Variants in PRKAA2 observed in about 807,000 individuals in gnomAD.
The protein encoded by PRKAA2 is 5'-AMP-activated protein kinase catalytic subunit alpha-2.
A neutral mutation model predicts 56.3 loss-of-function variants in PRKAA2; 40 were observed. That is an observed-to-expected ratio of 0.71 (90% CI 0.55 to 0.92). The LOEUF (loss-of-function observed/expected upper bound fraction) is 0.92, where lower values mean the gene tolerates loss of function less well. PRKAA2 is among the 40% of genes least tolerant of loss of function. PRKAA2 has a pLI of 0.00. For synonymous variants in PRKAA2, 214 were observed against 234.2 expected, an observed-to-expected ratio of 0.91 and a Z score of 0.79; for missense variants, 542 against 686.9, an observed-to-expected ratio of 0.79 and a Z score of 2.36.
chr1:56,649,965 C>T (rs1279596908), intron 1 of PRKAA2, among the ~76,000 whole-genome samples: 1 of 152,042 alleles, frequency 6.6e-6, no homozygotes, highest in Non-Finnish European at 1.5e-5. Context: ...TGTGATGGTG[C>T]GCGCCTGTAA....
chr1:56,704,057 C>T lies in PRKAA2; in HGVS notation c.875C>T (p.Ala292Val). ...SYDANVIDDE[A>V]VKEVCEKFEC... is the part of the protein sequence containing the mutation. ...GATGCTAACGTCATTGATGATGAGG[C>T]TGTGAAAGAAGTGTGTGAAAAATTT... The change falls in exon 7 of 9, where the codon GCT becomes GTT. Residue 292 changes from alanine (A) to valine (V), a missense_variant. Ala to Val is a moderately conservative substitution (Grantham distance 64). Around this residue, in one of 5 missense-constraint regions of PRKAA2, gnomAD observed 198 missense variants for 234.0 expected, o/e 0.85. Transcript: ENST00000371244. 1.2e-6 allele frequency: 2 copies of T among 1,614,074 alleles called. No homozygotes were observed. The highest frequency in any genetic ancestry group is 1.7e-6 in the Non-Finnish European group (2 of 1,179,976).
chr1:56,660,434 T>C (rs975340257), intron 1 of PRKAA2, among the ~76,000 whole-genome samples: 1 of 152,186 alleles, frequency 6.6e-6, no homozygotes, highest in Non-Finnish European at 1.5e-5. Flanking sequence ...GTATATCTGA[T>C]CCATACAAAG....
intron 1 of PRKAA2, among the ~76,000 whole-genome samples, chr1:56,667,227 C>T (rs1479357011): frequency 6.6e-6 from 1 of 152,148 alleles, no homozygotes; most frequent in Non-Finnish European, 1.5e-5. Context: ...ATGCTCGTTC[C>T]TCATTTCATT....
At position 56,695,920 on chromosome 1, in the gene PRKAA2, C is replaced by T. The variant is rs1644255912; in HGVS notation, c.564-15C>T. On this transcript the variant is annotated splice_polypyrimidine_tract_variant and intron_variant, in intron 5 of 8. Transcript: ENST00000371244. ...TTCTTGCATTTCAGGTTTGTGTTGTCATCTTTTTTCTTAGATTGTATGCAG... is the reference window on the plus strand; with the variant it reads ...TTCTTGCATTTCAGGTTTGTGTTGTTATCTTTTTTCTTAGATTGTATGCAG... 1 of 1,604,724 alleles carries T rather than the reference C, an allele frequency of 6.2e-7. No homozygotes were observed. The highest frequency in any genetic ancestry group is 2.2e-5 in the East Asian group (1 of 44,776).
At position 56,670,092 on chromosome 1, in the gene PRKAA2, T is replaced by A. The variant is rs543082326; in HGVS notation, c.95-4289T>A. Among the ~76,000 whole-genome samples the A allele has an allele frequency of 4.6e-5, 7 of 152,350 alleles. No individual in the cohort carries two copies. The South Asian group carries it at 1.2e-3, about 27-fold the overall frequency. On this transcript the variant is annotated intron_variant, in intron 1 of 8. Coordinates refer to ENST00000371244, the MANE Select transcript of PRKAA2 (RefSeq NM_006252.4). ...CTAATGGGTGATAATTTTGTAGAGCTCTTTAACTTTTTAATCCAAAAAATT... is the reference window on the plus strand; with the variant it reads ...CTAATGGGTGATAATTTTGTAGAGCACTTTAACTTTTTAATCCAAAAAATT...
intron 1 of PRKAA2, among the ~76,000 whole-genome samples, chr1:56,674,150 C>T (rs1328746144): frequency 2.6e-5 from 4 of 152,084 alleles, no homozygotes; most frequent in Non-Finnish European, 4.4e-5. Context: ...CAAATAGGAA[C>T]GTCTCTGTTA....
At chr1:56,683,304 C>A (rs1644168717) in intron 2 of PRKAA2, among the ~76,000 whole-genome samples, 1 of 151,956 alleles carries the variant, frequency 6.6e-6, no homozygotes, top group Non-Finnish European at 1.5e-5. Context: ...CTGCAACTAG[C>A]ACAGTAGTAG....
chr1:56,699,664 G>A (rs973453820), intron 6 of PRKAA2, among the ~76,000 whole-genome samples: 2 of 152,076 alleles, frequency 1.3e-5, no homozygotes, highest in African/African-American at 4.8e-5. Context: ...GGCTTTTAGT[G>A]TATTCACAAA....
chr1:56,713,728 T>A lies in PRKAA2; in HGVS notation c.*6015T>A, dbSNP rs1465727752. 1 of 151,920 alleles carries A rather than the reference T, an allele frequency of 6.6e-6. No homozygotes were observed. Among genetic ancestry groups the A allele is most frequent in the African/African-American group, 2.4e-5 (1 of 41,376 alleles). The allele number at this position is 151,920 out of a possible 1,614,324, so 9.4% of individuals were successfully genotyped here. A position where few individuals can be genotyped will look rare whatever the true frequency, so the allele number is the denominator to read the frequency against. On this transcript the variant is annotated 3_prime_UTR_variant, in exon 9 of 9. Coordinates refer to ENST00000371244, the MANE Select transcript of PRKAA2 (RefSeq NM_006252.4). ...GCCAAGGAGAATTGCATTGTTATTTTTTTTTCTACTAATTTAAACGTGCAT... is the reference window on the plus strand; with the variant it reads ...GCCAAGGAGAATTGCATTGTTATTTATTTTTCTACTAATTTAAACGTGCAT...
chr1:56,678,896 A>C (rs566771755), intron 2 of PRKAA2, among the ~76,000 whole-genome samples: 2 of 152,224 alleles, frequency 1.3e-5, no homozygotes, highest in South Asian at 2.1e-4. Flanking sequence ...GGGTTTCACC[A>C]TGTTGGCCAG....
chr1:56,647,811 A>G (rs12128273), intron 1 of PRKAA2, among the ~76,000 whole-genome samples: 5,764 of 151,770 alleles, frequency 0.038, 198 homozygotes, highest in Admixed American at 0.12. Context: ...GGGCGGTTCA[A>G]TTGAGGTCAG....
At chr1:56,679,860 T>G (rs1396729268) in intron 2 of PRKAA2, among the ~76,000 whole-genome samples, 1 of 152,174 alleles carries the variant, frequency 6.6e-6, no homozygotes, top group Non-Finnish European at 1.5e-5. Flanking sequence ...CTCAGTCTAC[T>G]CAATATGAAG....
At position 56,707,805 on chromosome 1, in the gene PRKAA2, A is replaced by G. The variant is rs2100441791; in HGVS notation, c.*92A>G. On this transcript the variant is annotated 3_prime_UTR_variant, in exon 9 of 9. Coordinates refer to ENST00000371244, the MANE Select transcript of PRKAA2 (RefSeq NM_006252.4). The stretch of plus-strand genomic sequence containing the variant: ...ACTTTTGGATAATATCCACTGCAAT[A>G]CTAATTGAGAAACATGAATTATTTC... 8.8e-7 allele frequency: 1 copy of G among 1,135,948 alleles called. No individual in the cohort carries two copies. The highest frequency in any genetic ancestry group is 1.5e-5 in the South Asian group (1 of 66,542). 70.4% of individuals were successfully genotyped at this position (1,135,948 alleles called of 1,614,324 possible). A position where few individuals can be genotyped will look rare whatever the true frequency, so the allele number is the denominator to read the frequency against.
intron 1 of PRKAA2, among the ~76,000 whole-genome samples, chr1:56,662,442 G>A (rs1644002357): frequency 6.6e-6 from 1 of 151,572 alleles, no homozygotes; most frequent in Admixed American, 6.6e-5. Flanking sequence ...ATTAAATAGA[G>A]ATGATTTAAA....
At chr1:56,647,679 A>G (rs1316978322) in intron 1 of PRKAA2, among the ~76,000 whole-genome samples, 1 of 151,878 alleles carries the variant, frequency 6.6e-6, no homozygotes, top group Non-Finnish European at 1.5e-5. Context: ...ATTGTTACTC[A>G]TATAATTCTT....
intron 5 of PRKAA2, among the ~76,000 whole-genome samples, chr1:56,694,146 T>G (rs1644244728): frequency 6.6e-6 from 1 of 152,202 alleles, no homozygotes; most frequent in Non-Finnish European, 1.5e-5. Context: ...AAGAATTTGC[T>G]AAATTTAAGC....
intron 1 of PRKAA2, among the ~76,000 whole-genome samples, chr1:56,655,150 A>G (rs1373720689): frequency 6.7e-6 from 1 of 150,036 alleles, no homozygotes; most frequent in Non-Finnish European, 1.5e-5. Context: ...TAAATATACC[A>G]TACTTTTTTT....
At position 56,677,397 on chromosome 1, in the gene PRKAA2, G is replaced by C. The variant is rs566937622; in HGVS notation, c.236+2875G>C. On this transcript the variant is annotated intron_variant, in intron 2 of 8. Coordinates refer to ENST00000371244, the MANE Select transcript of PRKAA2 (RefSeq NM_006252.4). ...ACTGAGTGTCCACTTCCTATGAGAA[G>C]AGAAAGCTGAAATAGCCAGACTAAA... Among the ~76,000 whole-genome samples, 3 of 152,280 alleles carry C rather than the reference G, an allele frequency of 2.0e-5. No homozygotes were observed. In the South Asian group the frequency reaches 6.2e-4, roughly 32 times the overall value.
intron 5 of PRKAA2, 78 bp downstream of exon 5, chr1:56,693,930 G>T: frequency 1.0e-6 from 1 of 974,008 alleles, no homozygotes; most frequent in Non-Finnish European, 1.5e-6. Context: ...TATTCTCTAT[G>T]GAAGGTAAGA....
Sources: allele counts gnomAD v4.1 joint callset (sites outside exome capture counted in the v4.1 genomes callset), GRCh38; gene constraint gnomAD v4.1.1; regional missense constraint gnomAD v4.1.1; transcripts MANE v1.5; gene names NCBI Gene and HGNC (gene_info 2026-07-23, HGNC 2026-07-21).